The following CNTNAP2 variants were observed in gnomAD, a reference collection of about 807,000 sequenced individuals.
CNTNAP2 encodes contactin-associated protein-like 2.
Under a neutral mutation model 155.2 loss-of-function variants are expected in CNTNAP2, and 98 were observed. The ratio of observed to expected loss-of-function variants is 0.63; its 90% CI spans 0.54 to 0.75. CNTNAP2 has a LOEUF of 0.75. Ranked by LOEUF, CNTNAP2 falls within the 30% of genes least tolerant of loss-of-function variation. CNTNAP2 has a pLI of 0.00. For missense variants in CNTNAP2, 1,727 were observed against 1,688.1 expected, an observed-to-expected ratio of 1.02 and a Z score of -0.40; for synonymous variants, 651 against 631.2, an observed-to-expected ratio of 1.03 and a Z score of -0.47.
chr7:146,785,438 T>G (rs993606332), intron 2 of CNTNAP2, among the ~76,000 whole-genome samples: 1 of 152,218 alleles, frequency 6.6e-6, no homozygotes, highest in South Asian at 2.1e-4. Context: ...CAGGTTTGAC[T>G]CTCAGAGAAT....
chr7:146,186,428 C>A (rs901972952), intron 1 of CNTNAP2, among the ~76,000 whole-genome samples: 2 of 152,136 alleles, frequency 1.3e-5, no homozygotes, highest in Non-Finnish European at 2.9e-5. Context: ...TATGCTTATT[C>A]AATTATACAT....
At chr7:146,439,783 C>G (rs190650627) in intron 1 of CNTNAP2, among the ~76,000 whole-genome samples, 21 of 151,514 alleles carry the variant, frequency 1.4e-4, no homozygotes, top group Admixed American at 3.3e-4. Flanking sequence ...ACATTGTATG[C>G]AAAATTAGCA....
At chr7:148,095,874 C>T (rs1215518074) in intron 15 of CNTNAP2, among the ~76,000 whole-genome samples, 2 of 152,194 alleles carry the variant, frequency 1.3e-5, no homozygotes, top group Non-Finnish European at 2.9e-5. Flanking sequence ...TTCTAATACA[C>T]AGTGGAATGC....
intron 3 of CNTNAP2, among the ~76,000 whole-genome samples, chr7:146,894,840 C>T (rs1191764425): frequency 6.6e-6 from 1 of 152,046 alleles, no homozygotes; most frequent in Non-Finnish European, 1.5e-5. Flanking sequence ...TGCTGATGGC[C>T]GACCTTGACT....
chr7:148,018,995 C>G (rs747737749), intron 15 of CNTNAP2, among the ~76,000 whole-genome samples: 6 of 152,286 alleles, frequency 3.9e-5, no homozygotes, highest in South Asian at 2.1e-4. Context: ...CTATGTAAAA[C>G]TGTCAGCATT....
At chr7:147,579,407 G>A (rs1267085184) in intron 12 of CNTNAP2, among the ~76,000 whole-genome samples, 2 of 151,970 alleles carry the variant, frequency 1.3e-5, no homozygotes, top group African/African-American at 2.4e-5. Context: ...CTGATTGTGT[G>A]GAACTTATAA....
intron 3 of CNTNAP2, among the ~76,000 whole-genome samples, chr7:146,901,312 A>T (rs188950033): frequency 3.3e-5 from 5 of 152,316 alleles, no homozygotes; most frequent in Non-Finnish European, 7.4e-5. Context: ...AACAAAAATT[A>T]TTTCCAGATG....
chr7:147,651,113 A>G (rs1413527554), intron 13 of CNTNAP2, among the ~76,000 whole-genome samples: 2 of 152,124 alleles, frequency 1.3e-5, no homozygotes, highest in Non-Finnish European at 2.9e-5. Flanking sequence ...GAGAAACAGA[A>G]CAAGTAGAAG....
chr7:147,713,063 C>A (rs934255279), intron 13 of CNTNAP2, among the ~76,000 whole-genome samples: 3 of 152,114 alleles, frequency 2.0e-5, no homozygotes, highest in African/African-American at 4.8e-5. Context: ...TGCTAGTACA[C>A]GTGATTCTCT....
rs554315956 is a variant in CNTNAP2, at chr7:147,047,398, G to T, written c.550+3344G>T. Among the ~76,000 whole-genome samples, 160 of 151,620 alleles carry T rather than the reference G, an allele frequency of 1.1e-3. 2 individuals carry two copies. The highest frequency in any genetic ancestry group is 3.1e-3 in the African/African-American group (130 of 41,350). Reference sequence around the variant, plus strand: ...GGCTTGTTTCTGATTTTTGAAAGAGGTTATGCTTATTGGTCATACGTATAC... The same window carrying T: ...GGCTTGTTTCTGATTTTTGAAAGAGTTTATGCTTATTGGTCATACGTATAC... On this transcript the variant is annotated intron_variant, in intron 4 of 23. Transcript: ENST00000361727.
At chr7:147,905,782 G>A (rs2116755772) in intron 14 of CNTNAP2, among the ~76,000 whole-genome samples, 1 of 152,248 alleles carries the variant, frequency 6.6e-6, no homozygotes, top group South Asian at 2.1e-4. Flanking sequence ...TACTCGGGAG[G>A]CTGAGGCAGG....
chr7:147,861,401 G>A (rs1016421859), intron 13 of CNTNAP2, among the ~76,000 whole-genome samples: 9 of 152,254 alleles, frequency 5.9e-5, no homozygotes, highest in Admixed American at 5.9e-4. Flanking sequence ...GAGAAATTAT[G>A]CATAAATAAA....
intron 1 of CNTNAP2, among the ~76,000 whole-genome samples, chr7:146,516,210 AT>A (rs1017402825): frequency 2.3e-4 from 35 of 151,950 alleles, no homozygotes; most frequent in African/African-American, 8.5e-4. Flanking sequence ...TAAATGTGCA[AT>A]GGTCAATATG....
intron 17 of CNTNAP2, among the ~76,000 whole-genome samples, chr7:148,157,750 T>C (rs1039093472): frequency 2.6e-5 from 4 of 152,140 alleles, no homozygotes; most frequent in African/African-American, 4.8e-5. Context: ...CCAACCTTTG[T>C]AACTAGTTCT....
intron 17 of CNTNAP2, among the ~76,000 whole-genome samples, chr7:148,169,098 A>C (rs554003940): frequency 6.6e-6 from 1 of 152,366 alleles, no homozygotes; most frequent in South Asian, 2.1e-4. Context: ...CAAGAGTTAA[A>C]GCTCATATTG....
chr7:147,112,876 G>T (rs1800910076), intron 5 of CNTNAP2, among the ~76,000 whole-genome samples: 1 of 151,992 alleles, frequency 6.6e-6, no homozygotes, highest in Admixed American at 6.6e-5. Context: ...ACCAGGTTTT[G>T]GTACCAGGAT....
intron 3 of CNTNAP2, among the ~76,000 whole-genome samples, chr7:146,879,400 G>C (rs1226087401): frequency 6.6e-6 from 1 of 152,012 alleles, no homozygotes; most frequent in Non-Finnish European, 1.5e-5. Context: ...TGTTACATTT[G>C]ATAAGCTGTC....
In CNTNAP2 at chr7:147,684,630, G is replaced by A. The variant is rs1244261493; in HGVS notation, c.2098+45324G>A. On this transcript the variant is annotated intron_variant, in intron 13 of 23. Transcript: ENST00000361727. The stretch of plus-strand genomic sequence containing the variant: ...TGGCCCTGAGGTGTCACATGATCCT[G>A]AATTACTTAATTGTTACATATATTC... Among the ~76,000 whole-genome samples the A allele has an allele frequency of 3.3e-5, 5 of 151,746 alleles. No homozygotes were observed. The East Asian group carries it at 5.8e-4, about 18-fold the overall frequency.
intron 1 of CNTNAP2, among the ~76,000 whole-genome samples, chr7:146,679,978 T>C (rs963019164): frequency 1.3e-5 from 2 of 152,194 alleles, no homozygotes; most frequent in Non-Finnish European, 2.9e-5. Context: ...ATAAAACAAA[T>C]GTATCAATTT....
Sources: gnomAD v4.1 joint callset for allele counts (sites outside exome capture counted in the v4.1 genomes callset) on GRCh38, gnomAD v4.1.1 for gene constraint, MANE v1.5 for transcripts, NCBI Gene and HGNC (gene_info 2026-07-23, HGNC 2026-07-21) for gene names.